MITD1: variants seen among roughly 807,000 people sequenced by gnomAD.
MITD1 encodes MIT domain-containing protein 1.
MITD1 carries 24 observed loss-of-function variants against 34.9 expected under a neutral mutation model. The ratio of observed to expected loss-of-function variants is 0.69; its 90% CI spans 0.50 to 0.97. MITD1 has a LOEUF of 0.97. Among genes scored for constraint, MITD1 ranks in the 50% least tolerant of loss-of-function variants. The pLI is 0.00. For synonymous variants in MITD1, 102 were observed against 101.4 expected (o/e 1.01, Z -0.04); for missense variants, 266 against 294.6 (o/e 0.90, Z 0.71).
Position 99,173,935 on chromosome 2 carries a change from T to C in MITD1, c.233A>G (p.Tyr78Cys). 1 of 1,606,978 alleles carries C rather than the reference T, an allele frequency of 6.2e-7. No homozygotes were observed. The highest frequency in any genetic ancestry group is 1.1e-5 in the South Asian group (1 of 90,698). Residue 78 changes from tyrosine to cysteine, a missense_variant, in exon 2 of 7, where the codon TAC (tyrosine) becomes TGC (cysteine). By Grantham distance (194) the Tyr-to-Cys change is radical. Transcript: ENST00000289359. ...YMDRAENIKK[Y>C]LDQEKEDGKY... Reference sequence around the variant, plus strand: ...TTTACCTTCTTTTTCTTGGTCCAAGTACTTCTTTATGTTTTCCGCTCTGTC... The same window carrying C: ...TTTACCTTCTTTTTCTTGGTCCAAGCACTTCTTTATGTTTTCCGCTCTGTC...
chr2:99,166,931 G>T (rs1043632439), downstream of MITD1, among the ~76,000 whole-genome samples: 7 of 139,664 alleles, frequency 5.0e-5, 1 homozygote, highest in African/African-American at 1.9e-4. Flanking sequence ...AATACGTTTA[G>T]ATTTCTTTGT....
chr2:99,171,684 A>C, intron 2 of MITD1, 38 bp from the exon 3 acceptor site: 1 of 1,444,796 alleles, frequency 6.9e-7, no homozygotes, highest in South Asian at 1.3e-5. Flanking sequence ...ACCAGTGACC[A>C]TTTTTTTTTT....
intron 1 of MITD1, among the ~76,000 whole-genome samples, chr2:99,180,225 T>C (rs10496334): frequency 0.062 from 9,471 of 152,266 alleles, 588 homozygotes; most frequent in East Asian, 0.21. Context: ...ATAATTTTAC[T>C]TTGGCTTGCT....
downstream of MITD1, among the ~76,000 whole-genome samples, chr2:99,165,061 C>CACACACAT (rs370053233): frequency 4.1e-3 from 555 of 135,224 alleles, 3 homozygotes; most frequent in African/African-American, 4.7e-3. Flanking sequence ...CACACACACA[C>CACACACAT]ATATATATAT....
downstream of MITD1, among the ~76,000 whole-genome samples, chr2:99,168,978 T>TTTTTTTTA: frequency 9.7e-6 from 1 of 103,030 alleles, no homozygotes; most frequent in Non-Finnish European, 1.9e-5. Context: ...TTTTTTTTTT[T>TTTTTTTTA]CTGATACAGG....
At chr2:99,171,709 TTA>T in intron 2 of MITD1, 63 bp from the exon 3 acceptor site, 1 of 1,462,058 alleles carries the variant, frequency 6.8e-7, no homozygotes, top group Middle Eastern at 2.0e-4. Flanking sequence ...ATTTTATATT[TTA>T]TATAGAGTGA....
downstream of MITD1, among the ~76,000 whole-genome samples, chr2:99,166,367 C>G (rs889591913): frequency 2.6e-5 from 4 of 151,588 alleles, no homozygotes; most frequent in Non-Finnish European, 4.4e-5. Flanking sequence ...TTTAAAAGTG[C>G]CCATTGAATA....
intron 7 of MITD1, chr2:99,162,666 G>T (rs1285940266): frequency 3.1e-6 from 5 of 1,613,986 alleles, no homozygotes; most frequent in Non-Finnish European, 4.2e-6. Context: ...AGAGTATGCT[G>T]CTTATCATCA....
chr2:99,162,502 G>A, intron 7 of MITD1: 1 of 1,614,104 alleles, frequency 6.2e-7, no homozygotes, highest in Non-Finnish European at 8.5e-7. Context: ...ACTTTATTAT[G>A]TAGTACTGAT....
rs138442382 is a variant in MITD1 at position 99,169,374 on chromosome 2, A to T, written c.*1T>A. 20 of 1,446,670 alleles carry T rather than the reference A, an allele frequency of 1.4e-5. No homozygotes were observed. The African/African-American group carries it at 2.3e-4, about 16-fold the overall frequency. The allele number at this position is 1,446,670 out of a possible 1,614,324, so 89.6% of individuals were successfully genotyped here. On this transcript the variant is annotated 3_prime_UTR_variant, in exon 7 of 7. Transcript: ENST00000289359. ...CATAATACAAATTAGGCTACCACCC[A>T]TCATATATTTTTTGTATGCTTCTTA... is the stretch of plus-strand genomic sequence containing the variant.
chr2:99,163,154 A>G (rs2093810464), intron 7 of MITD1: 1 of 1,073,302 alleles, frequency 9.3e-7, no homozygotes, highest in Non-Finnish European at 1.3e-6. Context: ...ATGTCAAAAA[A>G]AAACCTAGTC....
Position 99,173,993 on chromosome 2 carries a change from A to C in MITD1, c.175T>G (p.Cys59Gly). The change falls in exon 2 of 7, where the codon TGT becomes GGT. Residue 59 changes from cysteine to glycine, a missense_variant. Coordinates refer to ENST00000289359, the MANE Select transcript of MITD1 (RefSeq NM_138798.3). Reference protein sequence around the residue: ...LKGTKDNTKRCNLREKISKYM... With the variant: ...LKGTKDNTKRGNLREKISKYM... The stretch of plus-strand genomic sequence containing the variant: ...TTGGAAATTTTTTCTCTGAGATTAC[A>C]TCTCTTAGTATTATCTTTGGTACCT... 6.4e-7 allele frequency: 1 copy of C among 1,559,776 alleles called. No homozygotes were observed. Among genetic ancestry groups the C allele is most frequent in the South Asian group, 1.1e-5 (1 of 88,084 alleles).
intron 1 of MITD1, among the ~76,000 whole-genome samples, chr2:99,179,200 A>AT (rs2093901954): frequency 6.6e-6 from 1 of 152,278 alleles, no homozygotes; most frequent in East Asian, 1.9e-4. Flanking sequence ...CAGAACTGTG[A>AT]TTCTCCTGCT....
intron 2 of MITD1, chr2:99,172,469 T>C (rs2093864326): frequency 1.3e-5 from 2 of 152,108 alleles, no homozygotes; most frequent in African/African-American, 4.8e-5. Context: ...CAGAAATTTA[T>C]AGTACTTCTT....
chr2:99,162,772 T>A (rs768082526), intron 7 of MITD1: 1 of 1,614,078 alleles, frequency 6.2e-7, no homozygotes, highest in Non-Finnish European at 8.5e-7. Flanking sequence ...TGGGAGTGGA[T>A]ATATGGCAAA....
chr2:99,171,666 A>G lies in MITD1; in HGVS notation c.254-20T>C, dbSNP rs539545857. 44 of 1,601,196 alleles carry G rather than the reference A, an allele frequency of 2.7e-5. No homozygotes were observed. Among genetic ancestry groups the G allele is most frequent in the Non-Finnish European group, 3.4e-5 (40 of 1,175,848 alleles). On this transcript the variant is annotated intron_variant, in intron 2 of 6. Transcript: ENST00000289359. The stretch of plus-strand genomic sequence containing the variant: ...TTCCATCTATAAAACACAGGCTTCA[A>G]CAGTAAAACCAGTGACCATTTTTTT...
chr2:99,180,630 C>T, intron 1 of MITD1: 1 of 553,698 alleles, frequency 1.8e-6, no homozygotes, highest in South Asian at 2.4e-5. Flanking sequence ...CTAGTAGCCT[C>T]CCCACCTTTT....
At chr2:99,178,540 A>G (rs1016105492) in intron 1 of MITD1, among the ~76,000 whole-genome samples, 2 of 152,208 alleles carry the variant, frequency 1.3e-5, no homozygotes, top group Non-Finnish European at 2.9e-5. Context: ...TGTATATTAG[A>G]TTGAGGTAAG....
chr2:99,162,064 C>T, exon 8 of MITD1: 1 of 1,614,050 alleles, frequency 6.2e-7, no homozygotes, highest in Non-Finnish European at 8.5e-7. Flanking sequence ...ATTTTACAGT[C>T]AATTTCCAAT....
Sources: allele counts gnomAD v4.1 joint callset (sites outside exome capture counted in the v4.1 genomes callset), GRCh38; gene constraint gnomAD v4.1.1; transcripts MANE v1.5; gene names NCBI Gene and HGNC (gene_info 2026-07-23, HGNC 2026-07-21).